Variants in STPG2 observed in about 807,000 individuals in gnomAD.
STPG2 encodes sperm tail PG-rich repeat containing 2.
Under a neutral mutation model 54.2 loss-of-function variants are expected in STPG2, and 56 were observed. That is an observed-to-expected ratio of 1.03 (90% CI 0.83 to 1.29). The LOEUF is 1.29. Among genes scored for constraint, STPG2 ranks in the 50% most tolerant of loss-of-function variants. The pLI is 0.00. For synonymous variants in STPG2, 200 were observed against 181.8 expected (o/e 1.10, Z -0.81); for missense variants, 596 against 544.9 (o/e 1.09, Z -0.93).
At chr4:97,751,928 T>C (rs1005467325) in intron 9 of STPG2, among the ~76,000 whole-genome samples, 1 of 151,680 alleles carries the variant, frequency 6.6e-6, no homozygotes, top group Non-Finnish European at 1.5e-5. Context: ...TCTTCCCACA[T>C]TGGATCCCTA....
At chr4:98,079,334 A>G (rs545947678) in intron 5 of STPG2, among the ~76,000 whole-genome samples, 1 of 152,352 alleles carries the variant, frequency 6.6e-6, no homozygotes, top group African/African-American at 2.4e-5. Flanking sequence ...AGTGTTGGCA[A>G]TAATGATCCA....
intron 10 of STPG2, among the ~76,000 whole-genome samples, chr4:97,601,346 T>C (rs1033199757): frequency 2.0e-5 from 3 of 152,046 alleles, no homozygotes; most frequent in African/African-American, 7.2e-5. Flanking sequence ...TCTTCTAATA[T>C]GTTAAGCAAA....
At chr4:97,682,104 C>T (rs1012739420) in intron 10 of STPG2, among the ~76,000 whole-genome samples, 6 of 151,714 alleles carry the variant, frequency 4.0e-5, no homozygotes, top group South Asian at 2.1e-4. Context: ...CACAAGTTAA[C>T]GTTAAAAGCA....
At chr4:97,736,576 G>A (rs913208068) in intron 9 of STPG2, among the ~76,000 whole-genome samples, 23 of 152,306 alleles carry the variant, frequency 1.5e-4, no homozygotes, top group African/African-American at 5.1e-4. Flanking sequence ...CTGGCTCAGA[G>A]GGTCCTATGC....
intron 8 of STPG2, among the ~76,000 whole-genome samples, chr4:97,887,196 G>A (rs1730602637): frequency 6.6e-6 from 1 of 152,174 alleles, no homozygotes. Context: ...CTGAAAATGT[G>A]GAAGCAACTT....
intron 10 of STPG2, among the ~76,000 whole-genome samples, chr4:97,646,669 A>G (rs2148949857): frequency 6.6e-6 from 1 of 152,272 alleles, no homozygotes; most frequent in South Asian, 2.1e-4. Context: ...GTTTATTAAT[A>G]AAGTTTATTG....
chr4:97,654,152 T>TAC (rs1180038683), intron 10 of STPG2, among the ~76,000 whole-genome samples: 1 of 152,066 alleles, frequency 6.6e-6, no homozygotes, highest in African/African-American at 2.4e-5. Context: ...AATAAAATGG[T>TAC]ACACCTCCAG....
chr4:97,943,554 A>G (rs961965484), intron 8 of STPG2, among the ~76,000 whole-genome samples: 1 of 152,198 alleles, frequency 6.6e-6, no homozygotes, highest in African/African-American at 2.4e-5. Flanking sequence ...TTCCATTGAA[A>G]AGAGAAAACA....
intron 8 of STPG2, among the ~76,000 whole-genome samples, chr4:97,905,777 GA>G (rs1417044002): frequency 1.3e-5 from 2 of 151,718 alleles, no homozygotes; most frequent in Non-Finnish European, 2.9e-5. Flanking sequence ...CAAGCAAATG[GA>G]AAATAAAAAA....
At chr4:98,123,241 T>C (rs1431532148) in intron 3 of STPG2, among the ~76,000 whole-genome samples, 1 of 152,180 alleles carries the variant, frequency 6.6e-6, no homozygotes, top group Non-Finnish European at 1.5e-5. Context: ...CTTTAGGGTT[T>C]GTTTGCTCTC....
At chr4:98,003,125 C>T (rs1023153880) in intron 5 of STPG2, among the ~76,000 whole-genome samples, 36 of 152,132 alleles carry the variant, frequency 2.4e-4, no homozygotes, top group African/African-American at 8.7e-4. Flanking sequence ...AGTTTAATGG[C>T]TGTCTGATAA....
At chr4:97,690,993 C>A (rs1056377301) in intron 10 of STPG2, among the ~76,000 whole-genome samples, 2 of 152,152 alleles carry the variant, frequency 1.3e-5, no homozygotes, top group Admixed American at 6.5e-5. Flanking sequence ...ACCCGAGTGT[C>A]AATATCCTGT....
chr4:97,535,934 C>A (rs1301918892), intron 4 of STPG2, among the ~76,000 whole-genome samples: 1 of 152,066 alleles, frequency 6.6e-6, no homozygotes, highest in Non-Finnish European at 1.5e-5. Context: ...GTTTTTCTCT[C>A]TAGGTTTAAG....
At chr4:97,494,052 T>G (rs547816712) in intron 4 of STPG2, among the ~76,000 whole-genome samples, 132 of 151,492 alleles carry the variant, frequency 8.7e-4, no homozygotes, top group African/African-American at 3.1e-3. Flanking sequence ...AAAAAAACGT[T>G]TAAGAAAATT....
At chr4:97,764,551 C>A (rs260903) in intron 9 of STPG2, among the ~76,000 whole-genome samples, 24,522 of 152,012 alleles carry the variant, frequency 0.16, 2,151 homozygotes, top group East Asian at 0.36. Flanking sequence ...TCAAAATAAC[C>A]TTCACAGATT....
chr4:97,609,278 T>C (rs1343949899), intron 10 of STPG2, among the ~76,000 whole-genome samples: 1 of 152,010 alleles, frequency 6.6e-6, no homozygotes, highest in Non-Finnish European at 1.5e-5. Context: ...GTTTACCTAC[T>C]CCGGTAGTGG....
intron 8 of STPG2, among the ~76,000 whole-genome samples, chr4:97,913,711 GATAA>G (rs1731767584): frequency 6.6e-6 from 1 of 151,998 alleles, no homozygotes. Flanking sequence ...TCATAATGTT[GATAA>G]ATAAAACAAA....
intron 10 of STPG2, among the ~76,000 whole-genome samples, chr4:97,560,382 G>C (rs1315711501): frequency 1.3e-5 from 2 of 152,090 alleles, no homozygotes; most frequent in Non-Finnish European, 2.9e-5. Flanking sequence ...TGGAGTACTA[G>C]AAGTGTCTAG....
intron 5 of STPG2, among the ~76,000 whole-genome samples, chr4:97,981,581 C>T (rs1368779435): frequency 6.6e-6 from 1 of 151,900 alleles, no homozygotes; most frequent in African/African-American, 2.4e-5. Context: ...ATAATCTCAA[C>T]ATGAGACTCT....
Sources: gnomAD v4.1 joint callset for allele counts (sites outside exome capture counted in the v4.1 genomes callset) on GRCh38, gnomAD v4.1.1 for gene constraint, MANE v1.5 for transcripts, NCBI Gene and HGNC (gene_info 2026-07-23, HGNC 2026-07-21) for gene names.